The following GJB7 variants were observed in gnomAD, a reference collection of about 807,000 sequenced individuals.
GJB7 encodes gap junction beta-7 protein.
For missense variants in GJB7, 253 were observed against 256.8 expected (o/e 0.99, Z 0.10); for synonymous variants, 87 against 95.2 (o/e 0.91, Z 0.50).
Position 87,284,537 on chromosome 6 carries a change from T to C in GJB7, c.376A>G (p.Ile126Val). 1 of 1,613,952 alleles carries C rather than the reference T, an allele frequency of 6.2e-7. No homozygotes were observed. The highest frequency in any genetic ancestry group is 8.5e-7 in the Non-Finnish European group (1 of 1,179,826). ...MDGGLWYAYLISLIVKTGFEI... is the reference protein window; with the variant it reads ...MDGGLWYAYLVSLIVKTGFEI... ...AAACCAGTTTTAACAATGAGGCTGA[T>C]AAGATAAGCGTACCATAGGCCCCCA... Residue 126 changes from isoleucine (I) to valine (V), a missense_variant, in exon 3 of 3, where the codon ATC becomes GTC. Transcript: ENST00000525899.
At chr6:87,310,222 CAAA>C (rs1233525163) in intron 2 of GJB7, among the ~76,000 whole-genome samples, 1 of 151,966 alleles carries the variant, frequency 6.6e-6, no homozygotes, top group Non-Finnish European at 1.5e-5. Flanking sequence ...TAGAATATAA[CAAA>C]GAAGAATATC....
rs775175904 is a variant in GJB7 at position 87,284,261 on chromosome 6, G to GT, written c.651dup (p.Pro218ThrfsTer40). ...GGCACTCACACACTGAGGACTTGAG[G>GT]TTTTTTTAAATATTTTTGGAGACAG... On this transcript the variant is annotated frameshift_variant, in exon 3 of 3. Transcript: ENST00000525899. LOFTEE classifies it high-confidence loss of function. 158 of 1,613,330 alleles carry GT rather than the reference G, an allele frequency of 9.8e-5. No homozygotes were observed. The highest frequency in any genetic ancestry group is 1.3e-4 in the Non-Finnish European group (150 of 1,179,616).
chr6:87,302,216 G>A (rs997825650), intron 2 of GJB7, among the ~76,000 whole-genome samples: 3 of 152,114 alleles, frequency 2.0e-5, no homozygotes, highest in South Asian at 2.1e-4. Context: ...GGCTTCAGAC[G>A]ATCAAACTTC....
intron 2 of GJB7, among the ~76,000 whole-genome samples, chr6:87,312,742 C>T (rs762216381): frequency 6.6e-6 from 1 of 152,152 alleles, no homozygotes; most frequent in African/African-American, 2.4e-5. Flanking sequence ...TTTTATCAGA[C>T]ATTCATGGGG....
intron 2 of GJB7, among the ~76,000 whole-genome samples, chr6:87,289,823 C>T (rs1282601264): frequency 6.6e-6 from 1 of 152,208 alleles, no homozygotes; most frequent in African/African-American, 2.4e-5. Flanking sequence ...TCAAGCTGGC[C>T]TCTGGGAGGA....
chr6:87,288,002 A>C (rs1776093778), intron 2 of GJB7, among the ~76,000 whole-genome samples: 1 of 152,144 alleles, frequency 6.6e-6, no homozygotes, highest in Non-Finnish European at 1.5e-5. Flanking sequence ...TCCCGGGTTC[A>C]AGCGATTCTC....
At chr6:87,327,018 G>A (rs1351761619) in intron 1 of GJB7, among the ~76,000 whole-genome samples, 6 of 137,770 alleles carry the variant, frequency 4.4e-5, no homozygotes, top group Admixed American at 2.8e-4. Flanking sequence ...TTACCATTAT[G>A]TAATGGCCTT....
At chr6:87,301,510 G>C (rs935659989) in intron 2 of GJB7, among the ~76,000 whole-genome samples, 2 of 152,182 alleles carry the variant, frequency 1.3e-5, no homozygotes, top group Admixed American at 6.5e-5. Flanking sequence ...TGAGGCTTGA[G>C]TAGGTAAACA....
intron 2 of GJB7, among the ~76,000 whole-genome samples, chr6:87,303,868 A>C (rs913651459): frequency 1.3e-5 from 2 of 152,228 alleles, no homozygotes; most frequent in Non-Finnish European, 2.9e-5. Flanking sequence ...AGGATTAAGA[A>C]ACTCACTCAA....
At chr6:87,301,590 T>TC (rs1240040947) in intron 2 of GJB7, among the ~76,000 whole-genome samples, 1 of 151,828 alleles carries the variant, frequency 6.6e-6, no homozygotes, top group Admixed American at 6.6e-5. Flanking sequence ...CTGTATAGAC[T>TC]CCCCCTCTGG....
intron 2 of GJB7, among the ~76,000 whole-genome samples, chr6:87,286,982 G>C (rs955962012): frequency 2.6e-5 from 4 of 152,160 alleles, no homozygotes; most frequent in Non-Finnish European, 5.9e-5. Context: ...TTCAGCAGCT[G>C]TCCTGTGCAT....
chr6:87,326,204 G>A (rs143232658), intron 1 of GJB7, among the ~76,000 whole-genome samples: 346 of 152,030 alleles, frequency 2.3e-3, no homozygotes, highest in Admixed American at 5.7e-3. Flanking sequence ...TTGTTGATCC[G>A]TTCAAAAAAC....
chr6:87,323,884 C>G (rs1776745430), intron 1 of GJB7, among the ~76,000 whole-genome samples: 2 of 152,144 alleles, frequency 1.3e-5, no homozygotes, highest in African/African-American at 4.8e-5. Flanking sequence ...GGTTTACAGG[C>G]CACCAACAGT....
chr6:87,306,647 C>T lies in GJB7; in HGVS notation c.-28+16219G>A, dbSNP rs886653778. ...CCTCAGGGATCTAGAACTAGAAATA[C>T]CATTTGACCCAGCCATCCCATTACT... On this transcript the variant is annotated intron_variant, in intron 2 of 2. Coordinates refer to ENST00000525899, the MANE Select transcript of GJB7 (RefSeq NM_198568.3). 1.4e-4 allele frequency among the ~76,000 whole-genome samples: 21 copies of T among 152,086 alleles called. 1 individual carries two copies. The highest frequency in any genetic ancestry group is 1.1e-3 in the Admixed American group (17 of 15,252).
intron 2 of GJB7, among the ~76,000 whole-genome samples, chr6:87,308,673 CA>C (rs985765568): frequency 1.2e-4 from 18 of 151,822 alleles, no homozygotes; most frequent in African/African-American, 4.4e-4. Flanking sequence ...CTCAATCATG[CA>C]AAAATTATCA....
intron 2 of GJB7, among the ~76,000 whole-genome samples, chr6:87,295,113 C>CA (rs113089558): frequency 0.017 from 2,296 of 137,282 alleles, 48 homozygotes; most frequent in African/African-American, 0.048. Context: ...ATTTCCTGGC[C>CA]AAAAAAAAAA....
At chr6:87,319,035 CA>C (rs970348622) in intron 2 of GJB7, among the ~76,000 whole-genome samples, 2 of 152,176 alleles carry the variant, frequency 1.3e-5, no homozygotes, top group African/African-American at 4.8e-5. Flanking sequence ...GTGTTGTTCC[CA>C]GAGCACACTT....
chr6:87,326,894 G>C (rs1776835914), intron 1 of GJB7, among the ~76,000 whole-genome samples: 1 of 115,400 alleles, frequency 8.7e-6, no homozygotes, highest in Admixed American at 8.0e-5. Context: ...ATTAATTTGT[G>C]GGAGTTTAAG....
At chr6:87,297,149 C>A (rs61437530) in intron 2 of GJB7, among the ~76,000 whole-genome samples, 3 of 152,136 alleles carry the variant, frequency 2.0e-5, no homozygotes, top group Non-Finnish European at 2.9e-5. Context: ...CAGGACCCAA[C>A]GAAGGGTTTG....
Sources: gnomAD v4.1 joint callset for allele counts (sites outside exome capture counted in the v4.1 genomes callset) on GRCh38, gnomAD v4.1.1 for gene constraint, MANE v1.5 for transcripts, NCBI Gene and HGNC (gene_info 2026-07-23, HGNC 2026-07-21) for gene names.